Variants in TEX15 observed in about 807,000 individuals in gnomAD.
TEX15 encodes the protein testis expressed 15, meiosis and synapsis associated, also known as testis-expressed protein 15.
A neutral mutation model predicts 237.3 loss-of-function variants in TEX15; 171 were observed. The ratio of observed to expected loss-of-function variants is 0.72; its 90% CI spans 0.64 to 0.82. TEX15 has a LOEUF of 0.82. Among genes scored for constraint, TEX15 ranks in the 40% least tolerant of loss-of-function variants. The probability of loss-of-function intolerance (pLI) is 0.00; values close to 1 mark genes in which losing one functional copy is unlikely to be tolerated. For missense variants in TEX15, 3,750 were observed against 3,646.5 expected, an observed-to-expected ratio of 1.03 and a Z score of -0.73; for synonymous variants, 1,338 against 1,269.8, an observed-to-expected ratio of 1.05 and a Z score of -1.14.
chr8:30,857,494 A>C (rs1021200632), intron 7 of TEX15, among the ~76,000 whole-genome samples: 4 of 152,202 alleles, frequency 2.6e-5, no homozygotes, highest in African/African-American at 9.6e-5. Context: ...AACTCAGAGA[A>C]GACACTCGCA....
rs776046438 is a variant in TEX15, at chr8:30,843,663, C to G, written c.6504G>C (p.Lys2168Asn). 6.2e-7 allele frequency: 1 copy of G among 1,611,948 alleles called. No homozygotes were observed. The highest frequency in any genetic ancestry group is 8.5e-7 in the Non-Finnish European group (1 of 1,179,290). The change falls in exon 8 of 11, where the codon AAG (lysine) becomes AAC (asparagine). Residue 2168 changes from lysine to asparagine, a missense_variant. Coordinates refer to ENST00000643185, the MANE Select transcript of TEX15 (RefSeq NM_001350162.2). Reference protein sequence around the residue: ...REKNSYYVFLKYKRQVNECEA... With the variant: ...REKNSYYVFLNYKRQVNECEA... ...CACATTCATTAACCTGTCGTTTGTA[C>G]TTTAAGAATACATAGTATGAATTCT...
rs766187229 is a variant in TEX15, at chr8:30,844,885, C to T, written c.5282G>A (p.Cys1761Tyr). 3 of 1,613,328 alleles carry T rather than the reference C, an allele frequency of 1.9e-6. No individual in the cohort carries two copies. The highest frequency in any genetic ancestry group is 1.1e-5 in the South Asian group (1 of 91,080). The change falls in exon 8 of 11, where the codon TGT becomes TAT. Residue 1761 changes from cysteine (C) to tyrosine (Y), a missense_variant. By Grantham distance (194) the Cys-to-Tyr change is radical. Coordinates refer to ENST00000643185, the MANE Select transcript of TEX15 (RefSeq NM_001350162.2). ...SSTVPHCEQS[C>Y]REKELLKTEQ... ...TGTCTTTAGAAGCTCTTTTTCTCTA[C>T]AGCTCTGCTCACAGTGTGGTACAGT...
At position 30,889,952 on chromosome 8, in the gene TEX15, T is replaced by TATAC. The variant is rs1264779192; in HGVS notation, c.-9-2642_-9-2641insGTAT. Among the ~76,000 whole-genome samples the TATAC allele has an allele frequency of 1.5e-4, 20 of 131,950 alleles. 1 individual carries two copies. Among genetic ancestry groups the TATAC allele is most frequent in the African/African-American group, 6.2e-4 (18 of 29,210 alleles). The allele number at this position is 131,950 out of a possible 152,430, so 86.6% of individuals were successfully genotyped here. A position where few individuals can be genotyped will look rare whatever the true frequency, so the allele number is the denominator to read the frequency against. ...TTATATACATATATATATATATATA[T>TATAC]ACATATATATATATATGTATAAGTA... On this transcript the variant is annotated intron_variant, in intron 2 of 10. Coordinates refer to ENST00000643185, the MANE Select transcript of TEX15 (RefSeq NM_001350162.2).
chr8:30,851,712 G>C (rs190660050), intron 7 of TEX15, among the ~76,000 whole-genome samples: 2 of 147,956 alleles, frequency 1.4e-5, no homozygotes, highest in African/African-American at 5.0e-5. Context: ...TAGACTGGGT[G>C]AATCTTCTGA....
At position 30,844,618 on chromosome 8, in the gene TEX15, G is replaced by A. The variant is rs768140607; in HGVS notation, c.5549C>T (p.Ala1850Val). ...GTAAACAGAATCTTTTGCTTTTTCC[G>A]CTTGTTTAACTTTCCACGTTATTCT... ...EDRITWKVKQ[A>V]EKAKDSVYKR... The change falls in exon 8 of 11, where the codon GCG becomes GTG. Residue 1850 changes from alanine to valine, a missense_variant. Transcript: ENST00000643185. The A allele has an allele frequency of 1.9e-5, 30 of 1,613,062 alleles. No individual in the cohort carries two copies. Among genetic ancestry groups the A allele is most frequent in the Non-Finnish European group, 2.5e-5 (29 of 1,179,528 alleles).
In TEX15 at chr8:30,848,563, T is replaced by C. The variant is rs149488352; in HGVS notation, c.1604A>G (p.Gln535Arg). 24 of 1,614,150 alleles carry C rather than the reference T, an allele frequency of 1.5e-5. No homozygotes were observed. The highest frequency in any genetic ancestry group is 2.0e-5 in the Non-Finnish European group (24 of 1,180,008). The stretch of plus-strand genomic sequence containing the variant: ...AGAAATTGGGAAGGAAAAATTACCT[T>C]GGTCCTTACATTGCCCTGCCATGGT... ...KVTMAGQCKD[Q>R]GNFSFPISVS... Residue 535 changes from glutamine (Q) to arginine (R), a missense_variant, in exon 8 of 11, where the codon CAA (glutamine) becomes CGA (arginine). Coordinates refer to ENST00000643185, the MANE Select transcript of TEX15 (RefSeq NM_001350162.2).
At position 30,845,438 on chromosome 8, in the gene TEX15, C is replaced by T. The variant is rs889570082; in HGVS notation, c.4729G>A (p.Ala1577Thr). The T allele has an allele frequency of 1.2e-6, 2 of 1,612,470 alleles. No individual in the cohort carries two copies. The highest frequency in any genetic ancestry group is 1.7e-6 in the Non-Finnish European group (2 of 1,179,142). The change falls in exon 8 of 11, where the codon GCA becomes ACA. Residue 1577 changes from alanine (A) to threonine (T), a missense_variant. Ala to Thr is a moderately conservative substitution (Grantham distance 58). Coordinates refer to ENST00000643185, the MANE Select transcript of TEX15 (RefSeq NM_001350162.2). ...LIEKENQIDT[A>T]FLSSTSKYEK... ...TATTTACTAGTGCTAGATAAAAATG[C>T]TGTATCAATTTGATTTTCTTTTTCT...
At chr8:30,904,497 C>G (rs2128779656) in intron 1 of TEX15, among the ~76,000 whole-genome samples, 1 of 148,472 alleles carries the variant, frequency 6.7e-6, no homozygotes, top group Non-Finnish European at 1.5e-5. Flanking sequence ...TTGGTCATAA[C>G]TAAATATTCA....
At position 30,847,399 on chromosome 8, in the gene TEX15, T is replaced by C; in HGVS notation, c.2768A>G (p.Asn923Ser). ...TGCATTATCTTCTCTGCAAATCAAG[T>C]TAAATTTAGTAGAAAATTCTTCAGA... ...LSSEEFSTKFNLICREDNAVS... is the reference protein window; with the variant it reads ...LSSEEFSTKFSLICREDNAVS... The change falls in exon 8 of 11, where the codon AAC becomes AGC. Residue 923 changes from asparagine to serine, a missense_variant. Asn to Ser is a conservative substitution (Grantham distance 46, BLOSUM62 1). Transcript: ENST00000643185. The C allele has an allele frequency of 6.2e-7, 1 of 1,612,792 alleles. No homozygotes were observed.
chr8:30,869,795 C>T (rs1018783660), intron 4 of TEX15, among the ~76,000 whole-genome samples: 2 of 152,006 alleles, frequency 1.3e-5, no homozygotes, highest in African/African-American at 4.8e-5. Flanking sequence ...ACTTCTAGTG[C>T]ATCAGGCAAG....
chr8:30,836,455 G>GC (rs1270172002), intron 10 of TEX15, among the ~76,000 whole-genome samples: 14 of 151,872 alleles, frequency 9.2e-5, no homozygotes, highest in South Asian at 8.3e-4. Flanking sequence ...CTCGTGATCT[G>GC]CCCCCCTCGG....
intron 5 of TEX15, among the ~76,000 whole-genome samples, chr8:30,864,478 C>A (rs1808115021): frequency 6.7e-6 from 1 of 149,712 alleles, no homozygotes; most frequent in African/African-American, 2.5e-5. Context: ...GTAGGAGGAT[C>A]GCTAGAGCCT....
intron 9 of TEX15, among the ~76,000 whole-genome samples, chr8:30,839,168 ATTATG>A (rs1329155332): frequency 6.6e-6 from 1 of 152,102 alleles, no homozygotes; most frequent in Non-Finnish European, 1.5e-5. Flanking sequence ...ATGAGGAAAT[ATTATG>A]TTGAGAAGGG....
At chr8:30,839,269 A>G (rs1160162058) in intron 9 of TEX15, among the ~76,000 whole-genome samples, 8 of 152,192 alleles carry the variant, frequency 5.3e-5, no homozygotes, top group African/African-American at 1.9e-4. Flanking sequence ...TAAAAGCCAA[A>G]TATTTCACTG....
chr8:30,847,583 CTCTA>C lies in TEX15; in HGVS notation c.2580_2583del (p.Asp860GlufsTer15), dbSNP rs546097481. 1,341 of 1,612,716 alleles carry C rather than the reference CTCTA, an allele frequency of 8.3e-4. 3 individuals are homozygous for C. Among genetic ancestry groups the C allele is most frequent in the African/African-American group, 1.1e-3 (83 of 74,914 alleles). ...TTCTCTTTAGCCTCATTTTGGTTTTCTCTATCTGTTTGTTTTTTGAAATTAACAT... is the reference window on the plus strand; with the variant it reads ...TTCTCTTTAGCCTCATTTTGGTTTTCTCTGTTTGTTTTTTGAAATTAACAT... On this transcript the variant is annotated frameshift_variant, in exon 8 of 11. Transcript: ENST00000643185. LOFTEE classifies it high-confidence loss of function.
rs1413484290 is a variant in TEX15 at position 30,845,982 on chromosome 8, G to A, written c.4185C>T (p.His1395=). ...VHLKKAHRRV[H]TSLQLITKVG... Reference sequence around the variant, plus strand: ...CTTTAGTTATAAGCTGCAAAGATGTGTGAACTCTTCTATGAGCTTTTTTTA... The same window carrying A: ...CTTTAGTTATAAGCTGCAAAGATGTATGAACTCTTCTATGAGCTTTTTTTA... Residue 1395 remains histidine, a synonymous_variant, in exon 8 of 11, where the codon CAC becomes CAT. Coordinates refer to ENST00000643185, the MANE Select transcript of TEX15 (RefSeq NM_001350162.2). The A allele has an allele frequency of 5.0e-6, 8 of 1,612,956 alleles. No individual in the cohort carries two copies. Among genetic ancestry groups the A allele is most frequent in the Admixed American group, 3.3e-5 (2 of 59,898 alleles).
chr8:30,862,040 T>A (rs1487854933), intron 5 of TEX15, among the ~76,000 whole-genome samples: 1 of 152,144 alleles, frequency 6.6e-6, no homozygotes, highest in Non-Finnish European at 1.5e-5. Flanking sequence ...ATAACAGGCA[T>A]TCTTACACAC....
intron 7 of TEX15, among the ~76,000 whole-genome samples, chr8:30,852,717 G>C (rs1191383310): frequency 2.6e-5 from 4 of 151,878 alleles, no homozygotes; most frequent in Non-Finnish European, 4.4e-5. Context: ...AAATAAAAAA[G>C]TAGTAAGAAA....
At chr8:30,835,580 G>GA (rs1807272429) in intron 10 of TEX15, among the ~76,000 whole-genome samples, 1 of 151,836 alleles carries the variant, frequency 6.6e-6, no homozygotes, top group Admixed American at 6.6e-5. Context: ...CCTTAAAAAA[G>GA]AATTATCTTG....
Sources: gnomAD v4.1 joint callset for allele counts (sites outside exome capture counted in the v4.1 genomes callset) on GRCh38, gnomAD v4.1.1 for gene constraint, MANE v1.5 for transcripts, NCBI Gene and HGNC (gene_info 2026-07-23, HGNC 2026-07-21) for gene names.